Variants in SLCO3A1 observed in about 807,000 individuals in gnomAD.
SLCO3A1 encodes solute carrier organic anion transporter family member 3A1.
In SLCO3A1, 27 loss-of-function variants were observed where a neutral mutation model predicts 63.1. The observed-to-expected ratio is 0.43, with a 90% CI of 0.32 to 0.59. The LOEUF (loss-of-function observed/expected upper bound fraction) is 0.59, where lower values mean the gene tolerates loss of function less well. Ranked by LOEUF, SLCO3A1 falls within the 20% of genes least tolerant of loss-of-function variation. The probability of loss-of-function intolerance (pLI) is 0.09; values close to 1 mark genes in which losing one functional copy is unlikely to be tolerated. For synonymous variants in SLCO3A1, 473 were observed against 409.9 expected (o/e 1.15, Z -1.86); for missense variants, 773 against 945.8 (o/e 0.82, Z 2.40).
intron 3 of SLCO3A1, among the ~76,000 whole-genome samples, chr15:92,098,495 C>T (rs182051184): frequency 6.6e-6 from 1 of 152,248 alleles, no homozygotes; most frequent in Admixed American, 6.5e-5. Context: ...TAACTGAAAC[C>T]CAGGTGAGAA....
chr15:92,013,372 G>C (rs991688492), intron 2 of SLCO3A1, among the ~76,000 whole-genome samples: 2 of 152,224 alleles, frequency 1.3e-5, no homozygotes, highest in African/African-American at 4.8e-5. Flanking sequence ...TGTTCCTGCA[G>C]TACGTGGCCT....
chr15:92,000,385 G>T (rs945747956), intron 2 of SLCO3A1, among the ~76,000 whole-genome samples: 37 of 148,814 alleles, frequency 2.5e-4, no homozygotes, highest in African/African-American at 8.8e-4. Flanking sequence ...ACTCTGTAAT[G>T]TTTTTTTCCT....
intron 2 of SLCO3A1, among the ~76,000 whole-genome samples, chr15:92,003,968 T>A (rs2046284902): frequency 6.6e-6 from 1 of 152,212 alleles, no homozygotes; most frequent in Non-Finnish European, 1.5e-5. Flanking sequence ...TCAGCCTCTA[T>A]CATGGATTCT....
chr15:92,151,437 C>G (rs1009685452), intron 9 of SLCO3A1, among the ~76,000 whole-genome samples: 1 of 152,138 alleles, frequency 6.6e-6, no homozygotes, highest in Non-Finnish European at 1.5e-5. Flanking sequence ...TTAAATTTTT[C>G]CAAACTGACT....
chr15:92,132,823 C>T (rs1246015727), intron 7 of SLCO3A1, among the ~76,000 whole-genome samples: 1 of 145,052 alleles, frequency 6.9e-6, no homozygotes, highest in Non-Finnish European at 1.5e-5. Flanking sequence ...TGGGCCCAGG[C>T]AGGCAGCTCA....
chr15:92,144,178 C>G (rs1470302327), intron 7 of SLCO3A1, among the ~76,000 whole-genome samples: 1 of 152,222 alleles, frequency 6.6e-6, no homozygotes. Context: ...TCACAGTTCC[C>G]AGTTGGGACA....
At chr15:91,975,731 C>G (rs1183508658) in intron 2 of SLCO3A1, among the ~76,000 whole-genome samples, 1 of 152,226 alleles carries the variant, frequency 6.6e-6, no homozygotes, top group African/African-American at 2.4e-5. Context: ...TCCACCTGAC[C>G]TGTTCCTATA....
At chr15:91,984,438 C>G (rs2046025569) in intron 2 of SLCO3A1, among the ~76,000 whole-genome samples, 1 of 152,118 alleles carries the variant, frequency 6.6e-6, no homozygotes, top group African/African-American at 2.4e-5. Flanking sequence ...GAACCTTTTT[C>G]CTGAGAGATA....
Position 91,864,956 on chromosome 15 carries a change from G to A in SLCO3A1, c.180+10868G>A, listed in dbSNP as rs185878699. ...ACAGGATGTCACAGTCACATGGGTAGGGACTCTGGGAGTCAAGACCTAGGC... is the reference window on the plus strand; with the variant it reads ...ACAGGATGTCACAGTCACATGGGTAAGGACTCTGGGAGTCAAGACCTAGGC... On this transcript the variant is annotated intron_variant, in intron 1 of 9. Coordinates refer to ENST00000318445, the MANE Select transcript of SLCO3A1 (RefSeq NM_013272.4). 3.3e-4 allele frequency among the ~76,000 whole-genome samples: 50 copies of A among 152,342 alleles called. No homozygotes were observed. In the East Asian group the frequency reaches 6.0e-3, roughly 18 times the overall value.
intron 2 of SLCO3A1, among the ~76,000 whole-genome samples, chr15:91,986,838 T>A (rs1426641285): frequency 6.6e-6 from 1 of 152,216 alleles, no homozygotes; most frequent in Non-Finnish European, 1.5e-5. Context: ...ATAGAACATA[T>A]TTTAAGTTTG....
intron 4 of SLCO3A1, among the ~76,000 whole-genome samples, chr15:92,105,800 C>T (rs1006501642): frequency 6.6e-6 from 1 of 152,170 alleles, no homozygotes; most frequent in Non-Finnish European, 1.5e-5. Context: ...TGCAGGAATG[C>T]GGCACTCAGC....
intron 10 of SLCO3A1, chr15:92,171,691 G>A: frequency 1.1e-6 from 1 of 912,326 alleles, no homozygotes; most frequent in African/African-American, 1.7e-5. Context: ...AAGCCATCAT[G>A]CTATTAAATA....
intron 2 of SLCO3A1, among the ~76,000 whole-genome samples, chr15:91,982,860 A>G (rs1386623251): frequency 6.6e-6 from 1 of 152,220 alleles, no homozygotes; most frequent in Non-Finnish European, 1.5e-5. Context: ...AAGTCTCCCA[A>G]GCCCAGGCCT....
rs530125016 is a variant in SLCO3A1, at chr15:91,893,928, AGGACACTTCT to A, written c.181-22059_181-22050del. Among the ~76,000 whole-genome samples, 8 of 152,362 alleles carry A rather than the reference AGGACACTTCT, an allele frequency of 5.3e-5. No individual in the cohort carries two copies. In the East Asian group the frequency reaches 1.5e-3, roughly 29 times the overall value. On this transcript the variant is annotated intron_variant, in intron 1 of 9. Coordinates refer to ENST00000318445, the MANE Select transcript of SLCO3A1 (RefSeq NM_013272.4). ...GATGATTGAAAAGCACACAGTGAAC[AGGACACTTCT>A]GGACAAGGTACTTGAATGCCAGGAG...
chr15:92,037,956 T>C (rs2046748601), intron 2 of SLCO3A1, among the ~76,000 whole-genome samples: 1 of 152,280 alleles, frequency 6.6e-6, no homozygotes, highest in Middle Eastern at 3.4e-3. Context: ...GAGTCCCAGG[T>C]AATGAGAAGA....
chr15:92,104,617 A>G, intron 4 of SLCO3A1, 75 bp downstream of exon 4: 2 of 1,474,798 alleles, frequency 1.4e-6, no homozygotes, highest in Non-Finnish European at 1.8e-6. Context: ...AAGGGGTGGC[A>G]CCCAGGACTG....
At chr15:91,964,435 T>A (rs967004091) in intron 2 of SLCO3A1, among the ~76,000 whole-genome samples, 1 of 152,060 alleles carries the variant, frequency 6.6e-6, no homozygotes, top group Non-Finnish European at 1.5e-5. Context: ...ATCATTGCTT[T>A]TTTTTTTTAT....
In SLCO3A1 at chr15:92,165,182, AC is replaced by A. The variant is rs1435822467; in HGVS notation, c.*2049del. On this transcript the variant is annotated 3_prime_UTR_variant, in exon 10 of 10. Coordinates refer to ENST00000318445, the MANE Select transcript of SLCO3A1 (RefSeq NM_013272.4). ...AAAAGCTGTGTCGTGGTATGGGGCC[AC>A]CGTGATCAGCTACCTGGGGCAGGAT... 3 of 985,328 alleles carry A rather than the reference AC, an allele frequency of 3.0e-6. No homozygotes were observed. Among genetic ancestry groups the A allele is most frequent in the Non-Finnish European group, 3.6e-6 (3 of 829,950 alleles). The allele number at this position is 985,328 out of a possible 1,614,324, so 61.0% of individuals were successfully genotyped here.
At chr15:92,014,300 C>T (rs1342790981) in intron 2 of SLCO3A1, among the ~76,000 whole-genome samples, 2 of 152,110 alleles carry the variant, frequency 1.3e-5, no homozygotes, top group Admixed American at 6.5e-5. Context: ...CGGTTCAAGC[C>T]AAATACCTGG....
Sources: allele counts gnomAD v4.1 joint callset (sites outside exome capture counted in the v4.1 genomes callset), GRCh38; gene constraint gnomAD v4.1.1; transcripts MANE v1.5; gene names NCBI Gene and HGNC (gene_info 2026-07-23, HGNC 2026-07-21).